ITSN2: variants seen among roughly 807,000 people sequenced by gnomAD.
ITSN2 encodes intersectin 2.
ITSN2 carries 156 observed loss-of-function variants against 243.7 expected under a neutral mutation model. The observed-to-expected ratio is 0.64, with a 90% CI of 0.56 to 0.73. The LOEUF is 0.73. Among genes scored for constraint, ITSN2 ranks in the 30% least tolerant of loss-of-function variants. The probability of loss-of-function intolerance (pLI) is 0.00; values close to 1 mark genes in which losing one functional copy is unlikely to be tolerated. For synonymous variants in ITSN2, 703 were observed against 699.9 expected (o/e 1.00, Z -0.07); for missense variants, 1,801 against 1,996.1 (o/e 0.90, Z 1.86).
At position 24,246,266 on chromosome 2, in the gene ITSN2, C is replaced by G. The variant is rs529026492; in HGVS notation, c.3440G>C (p.Ser1147Thr). 1.2e-6 allele frequency: 2 copies of G among 1,612,902 alleles called. No individual in the cohort carries two copies. The highest frequency in any genetic ancestry group is 2.2e-5 in the East Asian group (1 of 44,852). The stretch of plus-strand genomic sequence containing the variant: ...ATTAATGAGTTGTCCCTTGGAGAAA[C>G]TGAGCTCATCTTCATTATTTGCTGC... ...DYAANNEDEL[S>T]FSKGQLINVM... The change falls in exon 29 of 40, where the codon AGT becomes ACT. Residue 1147 changes from serine (S) to threonine (T), a missense_variant. Transcript: ENST00000355123.
intron 1 of ITSN2, among the ~76,000 whole-genome samples, chr2:24,354,031 C>T (rs1688240079): frequency 1.3e-5 from 2 of 152,214 alleles, no homozygotes; most frequent in South Asian, 4.1e-4. Context: ...TTAAAACTTA[C>T]ATTTTGATAT....
chr2:24,312,443 GGATT>G (rs1683366497), intron 4 of ITSN2, 68 bp from the exon 5 acceptor site: 2 of 1,213,214 alleles, frequency 1.6e-6, no homozygotes, highest in African/African-American at 1.5e-5. Context: ...GTTATTTTGG[GGATT>G]GACAAAGTAA....
chr2:24,231,011 A>T (rs62139992), intron 29 of ITSN2, among the ~76,000 whole-genome samples: 148,953 of 152,128 alleles, frequency 0.98, 72,922 homozygotes, highest in East Asian at 0.99. Context: ...GCAGGTGCAA[A>T]ATCTGCCCAG....
At chr2:24,233,954 TA>T (rs1302383072) in intron 29 of ITSN2, among the ~76,000 whole-genome samples, 3 of 152,194 alleles carry the variant, frequency 2.0e-5, no homozygotes, top group Non-Finnish European at 4.4e-5. Flanking sequence ...AAGCAAAGTT[TA>T]AAAAGTGATT....
chr2:24,279,097 A>G (rs1678421722), intron 17 of ITSN2, among the ~76,000 whole-genome samples: 1 of 152,232 alleles, frequency 6.6e-6, no homozygotes. Flanking sequence ...TAATGAGATG[A>G]GCATAATCTT....
Position 24,242,557 on chromosome 2 carries a change from T to C in ITSN2, c.3577+3572A>G, listed in dbSNP as rs190577862. On this transcript the variant is annotated intron_variant, in intron 29 of 39. Transcript: ENST00000355123. ...ATATCCTATTAAAATTATAGGTTTA[T>C]ATAAACAATGTGAGTTCATAGCTAC... 3.7e-3 allele frequency among the ~76,000 whole-genome samples: 560 copies of C among 152,324 alleles called. 2 individuals carry two copies. Among genetic ancestry groups the C allele is most frequent in the African/African-American group, 0.012 (513 of 41,592 alleles).
At position 24,225,767 on chromosome 2, in the gene ITSN2, G is replaced by A. The variant is rs980628288; in HGVS notation, c.3578-4701C>T. 1.6e-4 allele frequency among the ~76,000 whole-genome samples: 24 copies of A among 152,166 alleles called. No individual in the cohort carries two copies. The highest frequency in any genetic ancestry group is 5.8e-4 in the African/African-American group (24 of 41,436). On this transcript the variant is annotated intron_variant, in intron 29 of 39. Transcript: ENST00000355123. This position sits in a 1 kb window ranked among gnomAD's most constrained non-coding sequence, Gnocchi z 4.2. ...CCTATTAGGCAGTGAGAAACTCTGT[G>A]CTACAGAAAAATTTGATGAGCTCAG...
intron 1 of ITSN2, among the ~76,000 whole-genome samples, chr2:24,357,609 AAAT>A (rs1484289124): frequency 6.6e-6 from 1 of 152,164 alleles, no homozygotes; most frequent in Non-Finnish European, 1.5e-5. Flanking sequence ...AAATAAAAAA[AAAT>A]CGGCACACAA....
At chr2:24,271,096 C>T (rs941762301) in intron 19 of ITSN2, among the ~76,000 whole-genome samples, 1 of 151,958 alleles carries the variant, frequency 6.6e-6, no homozygotes, top group Non-Finnish European at 1.5e-5. Flanking sequence ...CAAAGAGAGG[C>T]TTGGTTTGAT....
intron 29 of ITSN2, chr2:24,242,160 T>C (rs1672807757): frequency 6.6e-6 from 1 of 152,536 alleles, no homozygotes; most frequent in African/African-American, 2.4e-5. Context: ...GAAACTTGGA[T>C]AGTGGGTCTC....
At chr2:24,274,898 T>C (rs1574107131) in intron 18 of ITSN2, among the ~76,000 whole-genome samples, 1 of 152,172 alleles carries the variant, frequency 6.6e-6, no homozygotes, top group African/African-American at 2.4e-5. Context: ...ACTAGAAAAC[T>C]TGGAAGAAAG....
chr2:24,330,746 A>G, intron 1 of ITSN2: 1 of 563,758 alleles, frequency 1.8e-6, no homozygotes, highest in Non-Finnish European at 3.2e-6. Context: ...ATCAAGTTTT[A>G]TAAAAAATGC....
At chr2:24,210,757 C>T (rs781268348) in intron 34 of ITSN2, 23 bp downstream of exon 34, 11 of 1,606,776 alleles carry the variant, frequency 6.8e-6, no homozygotes, top group East Asian at 4.5e-5. Flanking sequence ...TGGAGGCGCA[C>T]GGCTTAACCA....
At position 24,211,503 on chromosome 2, in the gene ITSN2, T is replaced by C. The variant is rs1462176734; in HGVS notation, c.4090-556A>G. ...TTTCAAACGACGCATGCTGCAACTG[T>C]GAACGCGCAGAGGCCAGAATACAAA... On this transcript the variant is annotated intron_variant, in intron 33 of 39. Transcript: ENST00000355123. The surrounding 1 kb of genome is among the most constrained non-coding windows in gnomAD (Gnocchi z 4.1). Among the ~76,000 whole-genome samples the C allele has an allele frequency of 6.6e-6, 1 of 152,206 alleles. No homozygotes were observed. Among genetic ancestry groups the C allele is most frequent in the Non-Finnish European group, 1.5e-5 (1 of 68,044 alleles).
chr2:24,251,309 C>CAAAAAAAAAATA lies in ITSN2; in HGVS notation c.3120+1035_3120+1036insTATTTTTTTTTT, dbSNP rs1275035112. 9.2e-3 allele frequency among the ~76,000 whole-genome samples: 202 copies of CAAAAAAAAAATA among 22,010 alleles called. 94 individuals carry two copies. Among genetic ancestry groups the CAAAAAAAAAATA allele is most frequent in the South Asian group, 0.018 (11 of 624 alleles). The allele number at this position is 22,010 out of a possible 152,430, so 14.4% of individuals were successfully genotyped here. A position where few individuals can be genotyped will look rare whatever the true frequency, so the allele number is the denominator to read the frequency against. On this transcript the variant is annotated intron_variant, in intron 25 of 39. Transcript: ENST00000355123. ...TGGGCAACAGAACTAAACTCCATCT[C>CAAAAAAAAAATA]AAAAAAAAAAAAAAATAAAATATAT...
chr2:24,208,407 C>G, intron 36 of ITSN2, 88 bp from the exon 37 acceptor site: 1 of 950,374 alleles, frequency 1.1e-6, no homozygotes, highest in Non-Finnish European at 1.7e-6. Context: ...GTTCTTCAGT[C>G]TTTTGCTAAC....
At position 24,248,887 on chromosome 2, in the gene ITSN2, A is replaced by T; in HGVS notation, c.3121-5T>A. 1 of 1,613,098 alleles carries T rather than the reference A, an allele frequency of 6.2e-7. No homozygotes were observed. The highest frequency in any genetic ancestry group is 8.5e-7 in the Non-Finnish European group (1 of 1,179,156). On this transcript the variant is annotated splice_region_variant and splice_polypyrimidine_tract_variant and intron_variant, in intron 25 of 39. Coordinates refer to ENST00000355123, the MANE Select transcript of ITSN2 (RefSeq NM_006277.3). ...CTTGCTAGCACTCCCAAAACTCTAC[A>T]AGGAAAAGATACCGTGTTGTTTTAT...
chr2:24,239,489 GGTTTTAGAACT>G (rs1455841246), intron 29 of ITSN2: 1 of 151,820 alleles, frequency 6.6e-6, no homozygotes, highest in Non-Finnish European at 1.5e-5. Context: ...AATCAGCTTT[GGTTTTAGAACT>G]GATTTTTTTC....
intron 1 of ITSN2, among the ~76,000 whole-genome samples, chr2:24,351,878 G>A (rs539985918): frequency 2.0e-4 from 30 of 152,196 alleles, no homozygotes; most frequent in African/African-American, 6.5e-4. Context: ...CTGGCAATTC[G>A]GATATGCCAA....
Sources: allele counts gnomAD v4.1 joint callset (sites outside exome capture counted in the v4.1 genomes callset), GRCh38; gene constraint gnomAD v4.1.1; non-coding constraint Gnocchi (gnomAD v3.1); transcripts MANE v1.5; gene names NCBI Gene and HGNC (gene_info 2026-07-23, HGNC 2026-07-21).